UGT2A2: variants seen among roughly 807,000 people sequenced by gnomAD.
UGT2A2 encodes the protein UDP glucuronosyltransferase family 2 member A2.
In UGT2A2, 60 loss-of-function variants were observed where a neutral mutation model predicts 50.7. That is an observed-to-expected ratio of 1.18 (90% confidence interval 0.96 to 1.47). UGT2A2 has a LOEUF of 1.47. UGT2A2 is among the 40% of genes most tolerant of loss of function. The pLI, the probability that UGT2A2 is intolerant of heterozygous loss-of-function variation, is 0.00. For synonymous variants in UGT2A2, 242 were observed against 214.6 expected (o/e 1.13, Z -1.11); for missense variants, 762 against 634.0 (o/e 1.20, Z -2.17).
chr4:69,597,673 C>T (rs1015222173), intron 2 of UGT2A2, among the ~76,000 whole-genome samples: 1 of 151,890 alleles, frequency 6.6e-6, no homozygotes, highest in African/African-American at 2.4e-5. Context: ...GGTGCTTTGC[C>T]ATTTTGATTT....
intron 1 of UGT2A2, among the ~76,000 whole-genome samples, chr4:69,630,566 C>T (rs1443683539): frequency 1.3e-5 from 2 of 152,006 alleles, no homozygotes; most frequent in African/African-American, 4.8e-5. Flanking sequence ...CAATACTCCT[C>T]CAAGTAGAAA....
In UGT2A2 at chr4:69,639,461, A is replaced by C; in HGVS notation, c.180T>G (p.Thr60=). The C allele has an allele frequency of 6.2e-7, 1 of 1,613,116 alleles. No individual in the cohort carries two copies. Among genetic ancestry groups the C allele is most frequent in the Non-Finnish European group, 8.5e-7 (1 of 1,179,520 alleles). The change falls in exon 1 of 6, where the codon ACT becomes ACG. Residue 60 remains threonine, a synonymous_variant. Transcript: ENST00000604629. ...ATAGAGTTGCTGATGAAGCCAGTAC[A>C]GTCACATTGTGATTTCTTTGAATCA... ...EELIQRNHNV[T]VLASSATLFI...
chr4:69,606,037 A>G (rs2109904793), intron 1 of UGT2A2, among the ~76,000 whole-genome samples: 1 of 137,280 alleles, frequency 7.3e-6, no homozygotes, highest in Non-Finnish European at 1.6e-5. Context: ...TATTCCAAGC[A>G]ATAGAAAAAG....
At chr4:69,615,553 T>A (rs1720329631) in intron 1 of UGT2A2, among the ~76,000 whole-genome samples, 2 of 151,904 alleles carry the variant, frequency 1.3e-5, no homozygotes, top group Non-Finnish European at 1.5e-5. Context: ...CAAAAAGAAA[T>A]GGATAAAAGA....
chr4:69,615,275 G>A lies in UGT2A2; in HGVS notation c.743-15881C>T, dbSNP rs149946923. Among the ~76,000 whole-genome samples the A allele has an allele frequency of 6.8e-3, 1,035 of 151,924 alleles. 14 individuals are homozygous for A. Among genetic ancestry groups the A allele is most frequent in the African/African-American group, 0.022 (923 of 41,468 alleles). The stretch of plus-strand genomic sequence containing the variant: ...GTTAAATCTCACTGATTTAAAACCC[G>A]AAACTTTGAGGAAACACTAAGACAA... On this transcript the variant is annotated intron_variant, in intron 1 of 5. Coordinates refer to ENST00000604629, the MANE Select transcript of UGT2A2 (RefSeq NM_001105677.2).
intron 1 of UGT2A2, among the ~76,000 whole-genome samples, chr4:69,609,376 G>A (rs972303018): frequency 2.0e-5 from 3 of 151,310 alleles, no homozygotes; most frequent in Non-Finnish European, 4.4e-5. Context: ...TTGTTTGTTT[G>A]TGTTGTAGAG....
intron 1 of UGT2A2, among the ~76,000 whole-genome samples, chr4:69,612,945 C>A (rs1720156176): frequency 1.3e-5 from 2 of 148,268 alleles, no homozygotes; most frequent in Admixed American, 6.7e-5. Context: ...CAAAGACAAC[C>A]TACATAATGG....
intron 1 of UGT2A2, among the ~76,000 whole-genome samples, chr4:69,632,667 A>G (rs1459326336): frequency 2.0e-5 from 3 of 152,118 alleles, no homozygotes; most frequent in African/African-American, 7.2e-5. Flanking sequence ...AGGCGGGCAG[A>G]TCACAAAGTC....
intron 1 of UGT2A2, among the ~76,000 whole-genome samples, chr4:69,608,790 G>T (rs542998862): frequency 6.6e-6 from 1 of 152,004 alleles, no homozygotes; most frequent in Non-Finnish European, 1.5e-5. Flanking sequence ...CTGCCTCCTG[G>T]GTTCAAGCCA....
chr4:69,635,313 C>G (rs1253177985), intron 1 of UGT2A2, among the ~76,000 whole-genome samples: 2 of 152,104 alleles, frequency 1.3e-5, no homozygotes, highest in Non-Finnish European at 2.9e-5. Flanking sequence ...TTTCTGCTCT[C>G]CCGATCTACA....
In UGT2A2 at chr4:69,639,398, T is replaced by C. The variant is rs1721923018; in HGVS notation, c.243A>G (p.Glu81=). Residue 81 remains glutamate (E), a synonymous_variant, in exon 1 of 6, where the codon GAA becomes GAG. Coordinates refer to ENST00000604629, the MANE Select transcript of UGT2A2 (RefSeq NM_001105677.2). ...TCTTCTTGTAGGAAACAGGTATCAC[T>C]TCAAAATTCACAGGAGAATCGGGAT... is the stretch of plus-strand genomic sequence containing the variant. ...NSNPDSPVNF[E]VIPVSYKKSN... 1 of 1,613,522 alleles carries C rather than the reference T, an allele frequency of 6.2e-7. No homozygotes were observed. The highest frequency in any genetic ancestry group is 8.5e-7 in the Non-Finnish European group (1 of 1,179,664).
chr4:69,599,695 A>AAGAG (rs138740078), intron 1 of UGT2A2: 39,621 of 199,992 alleles, frequency 0.2, 4,240 homozygotes, highest in South Asian at 0.23. Flanking sequence ...GAAATAAAGA[A>AAGAG]AGAGAGAGAG....
At chr4:69,636,787 T>C (rs1366285034) in intron 1 of UGT2A2, among the ~76,000 whole-genome samples, 1 of 152,144 alleles carries the variant, frequency 6.6e-6, no homozygotes, top group Non-Finnish European at 1.5e-5. Flanking sequence ...ATAGTTGACA[T>C]GGAATAGCCA....
chr4:69,604,246 C>G lies in UGT2A2; in HGVS notation c.743-4852G>C, dbSNP rs866252193. Among the ~76,000 whole-genome samples the G allele has an allele frequency of 2.3e-4, 32 of 136,916 alleles. 6 individuals are homozygous for G. The highest frequency in any genetic ancestry group is 8.6e-4 in the African/African-American group (29 of 33,826). The allele number at this position is 136,916 out of a possible 152,430, so 89.8% of individuals were successfully genotyped here. On this transcript the variant is annotated intron_variant, in intron 1 of 5. Transcript: ENST00000604629. ...GGCAGAAACTCTACAAGCCAGAAGA[C>G]AGTGGGGACCAATATTCACCATTCT...
In UGT2A2 at chr4:69,589,222, G is replaced by A. The variant is rs1357992023; in HGVS notation, c.*150C>T. 4.0e-6 allele frequency: 4 copies of A among 1,009,828 alleles called. No homozygotes were observed. The highest frequency in any genetic ancestry group is 5.5e-6 in the Non-Finnish European group (4 of 733,618). 62.6% of individuals were successfully genotyped at this position (1,009,828 alleles called of 1,614,324 possible). A position where few individuals can be genotyped will look rare whatever the true frequency, so the allele number is the denominator to read the frequency against. The stretch of plus-strand genomic sequence containing the variant: ...TCATGCCAAAATCTAGGCTTTATCA[G>A]TAGGCTTATCGCAGGTAGAGAAATA... On this transcript the variant is annotated 3_prime_UTR_variant, in exon 6 of 6. Transcript: ENST00000604629.
intron 1 of UGT2A2, among the ~76,000 whole-genome samples, chr4:69,623,379 A>C (rs2109940342): frequency 6.6e-6 from 1 of 151,892 alleles, no homozygotes; most frequent in East Asian, 1.9e-4. Context: ...TTTTGTGAGA[A>C]TCATCTCGAA....
chr4:69,610,906 A>G (rs1719996928), intron 1 of UGT2A2, among the ~76,000 whole-genome samples: 1 of 152,200 alleles, frequency 6.6e-6, no homozygotes, highest in Non-Finnish European at 1.5e-5. Context: ...AAGTTAAATT[A>G]GCTAATCTTT....
intron 1 of UGT2A2, among the ~76,000 whole-genome samples, chr4:69,637,623 A>G (rs1721785400): frequency 6.6e-6 from 1 of 152,088 alleles, no homozygotes; most frequent in Non-Finnish European, 1.5e-5. Context: ...CTCTATTTAA[A>G]TATGCAAACT....
chr4:69,629,170 A>G (rs1329177906), intron 1 of UGT2A2, among the ~76,000 whole-genome samples: 1 of 151,886 alleles, frequency 6.6e-6, no homozygotes, highest in Non-Finnish European at 1.5e-5. Context: ...TGCTACTCTG[A>G]GCTACTACAA....
Sources: gnomAD v4.1 joint callset for allele counts (sites outside exome capture counted in the v4.1 genomes callset) on GRCh38, gnomAD v4.1.1 for gene constraint, MANE v1.5 for transcripts, NCBI Gene and HGNC (gene_info 2026-07-23, HGNC 2026-07-21) for gene names.